MOSMO: variants seen among roughly 807,000 people sequenced by gnomAD.
MOSMO encodes the protein modulator of smoothened protein.
MOSMO carries 5 observed loss-of-function variants against 18.4 expected under a neutral mutation model. The observed-to-expected ratio is 0.27, with a 90% CI of 0.14 to 0.57. The LOEUF is 0.57. Ranked by LOEUF, MOSMO falls within the 20% of genes least tolerant of loss-of-function variation. MOSMO has a pLI of 0.92. For missense variants in MOSMO, 138 were observed against 211.8 expected (o/e 0.65, Z 2.16); for synonymous variants, 82 against 82.3 (o/e 1.00, Z 0.02).
In MOSMO at chr16:22,083,578, T is replaced by A; in HGVS notation, c.*2698T>A. ...TAATAAGTACTATATAGTACAGTATTAATTTATAGCAGGAAATCGTATCTT... is the reference window on the plus strand; with the variant it reads ...TAATAAGTACTATATAGTACAGTATAAATTTATAGCAGGAAATCGTATCTT... On this transcript the variant is annotated 3_prime_UTR_variant, in exon 3 of 3. Coordinates refer to ENST00000542527, the MANE Select transcript of MOSMO (RefSeq NM_001164579.2). 2.3e-6 allele frequency: 1 copy of A among 438,502 alleles called. No homozygotes were observed. Among genetic ancestry groups the A allele is most frequent in the Non-Finnish European group, 4.5e-6 (1 of 223,282 alleles). 27.2% of individuals were successfully genotyped at this position (438,502 alleles called of 1,614,324 possible). A position where few individuals can be genotyped will look rare whatever the true frequency, so the allele number is the denominator to read the frequency against.
chr16:22,040,516 G>A (rs1299055253), intron 1 of MOSMO, among the ~76,000 whole-genome samples: 13 of 152,290 alleles, frequency 8.5e-5, no homozygotes, highest in Non-Finnish European at 1.6e-4. Context: ...GTGATTGATG[G>A]AGTGACAGTA....
At chr16:22,031,402 C>G (rs1899991128) in intron 1 of MOSMO, among the ~76,000 whole-genome samples, 1 of 152,134 alleles carries the variant, frequency 6.6e-6, no homozygotes, top group African/African-American at 2.4e-5. Flanking sequence ...CAGTTTACCC[C>G]TTTAAAGTGT....
At chr16:22,060,827 C>T (rs941284097) in intron 1 of MOSMO, among the ~76,000 whole-genome samples, 4 of 151,420 alleles carry the variant, frequency 2.6e-5, no homozygotes, top group African/African-American at 7.3e-5. Flanking sequence ...GAGCCGAGAT[C>T]GCATCATTGC....
intron 1 of MOSMO, among the ~76,000 whole-genome samples, chr16:22,040,582 C>T (rs1362812349): frequency 1.3e-5 from 2 of 152,076 alleles, no homozygotes; most frequent in Non-Finnish European, 2.9e-5. Context: ...TTAGAAGAAA[C>T]AGTGCCTGGC....
chr16:22,051,086 A>AT (rs1252408575), intron 1 of MOSMO, among the ~76,000 whole-genome samples: 1 of 152,020 alleles, frequency 6.6e-6, no homozygotes, highest in Admixed American at 6.6e-5. Flanking sequence ...AAAAGACATG[A>AT]TTATTAAATT....
At chr16:22,067,874 G>T (rs1489493764) in intron 1 of MOSMO, among the ~76,000 whole-genome samples, 2 of 141,754 alleles carry the variant, frequency 1.4e-5, no homozygotes, top group Admixed American at 7.0e-5. Flanking sequence ...ATGAGACTCT[G>T]TCTCTAAAAA....
chr16:22,048,573 C>A (rs879669241), intron 1 of MOSMO, among the ~76,000 whole-genome samples: 1 of 152,090 alleles, frequency 6.6e-6, no homozygotes, highest in Non-Finnish European at 1.5e-5. Context: ...ATGTTACTGG[C>A]CACATATTTA....
intron 1 of MOSMO, among the ~76,000 whole-genome samples, chr16:22,045,892 T>A (rs910592617): frequency 1.3e-5 from 2 of 151,988 alleles, no homozygotes; most frequent in Non-Finnish European, 2.9e-5. Flanking sequence ...TTTTTTTTTT[T>A]ATACTTTAAG....
At chr16:22,060,316 T>C (rs71376713) in intron 1 of MOSMO, among the ~76,000 whole-genome samples, 12,867 of 152,310 alleles carry the variant, frequency 0.084, 754 homozygotes, top group South Asian at 0.25. Flanking sequence ...TCAGAATATT[T>C]GGAATATATA....
intron 1 of MOSMO, among the ~76,000 whole-genome samples, chr16:22,070,565 T>C (rs1900828523): frequency 1.3e-5 from 2 of 152,116 alleles, no homozygotes; most frequent in Admixed American, 1.3e-4. Context: ...CATACTACAG[T>C]GGAGAGTAGG....
In MOSMO at chr16:22,008,394, C is replaced by T. The variant is rs771934088; in HGVS notation, c.93C>T (p.Thr31=). ...TCGCCAACCCGGACTGGATCAACAC[C>T]GGGGAGTCTGCGGGTGAGCCGCTGG... The part of the protein sequence containing the change: ...ASIANPDWIN[T]GESAGALTVG... Residue 31 remains threonine (T), a synonymous_variant, in exon 1 of 3, where the codon ACC becomes ACT. Coordinates refer to ENST00000542527, the MANE Select transcript of MOSMO (RefSeq NM_001164579.2). The T allele has an allele frequency of 7.8e-6, 12 of 1,532,822 alleles. No individual in the cohort carries two copies. Among genetic ancestry groups the T allele is most frequent in the Non-Finnish European group, 7.0e-6 (8 of 1,145,436 alleles). The allele number at this position is 1,532,822 out of a possible 1,614,324, so 95.0% of individuals were successfully genotyped here.
intron 1 of MOSMO, among the ~76,000 whole-genome samples, chr16:22,009,785 C>A (rs1474072465): frequency 1.7e-5 from 2 of 115,664 alleles, no homozygotes; most frequent in African/African-American, 6.6e-5. Flanking sequence ...ATGGCGAAAC[C>A]CCGTCTCTAC....
chr16:22,052,473 A>G (rs1188707090), intron 1 of MOSMO, among the ~76,000 whole-genome samples: 1 of 152,200 alleles, frequency 6.6e-6, no homozygotes, highest in African/African-American at 2.4e-5. Flanking sequence ...AAATTTAAAG[A>G]TGTGTATGAA....
Position 22,062,958 on chromosome 16 carries a change from T to C in MOSMO, c.107-12529T>C, listed in dbSNP as rs1201777288. Among the ~76,000 whole-genome samples, 3 of 152,208 alleles carry C rather than the reference T, an allele frequency of 2.0e-5. No individual in the cohort carries two copies. The South Asian group carries it at 6.2e-4, about 31-fold the overall frequency. ...ACCTCTGCCTCCCAGGTTCAAGCGA[T>C]TCTTCTGCCTCAGCCTTCTGAGTAG... On this transcript the variant is annotated intron_variant, in intron 1 of 2. Coordinates refer to ENST00000542527, the MANE Select transcript of MOSMO (RefSeq NM_001164579.2).
chr16:22,070,170 A>G (rs1900820804), intron 1 of MOSMO, among the ~76,000 whole-genome samples: 1 of 152,222 alleles, frequency 6.6e-6, no homozygotes, highest in South Asian at 2.1e-4. Flanking sequence ...AGGAGAGTGC[A>G]GGAGTCTTGG....
At chr16:22,023,049 T>G (rs1311794954) in intron 1 of MOSMO, among the ~76,000 whole-genome samples, 1 of 152,206 alleles carries the variant, frequency 6.6e-6, no homozygotes, top group Non-Finnish European at 1.5e-5. Context: ...TTCATCTTCT[T>G]ATGATGAAAC....
intron 1 of MOSMO, among the ~76,000 whole-genome samples, chr16:22,033,555 C>T (rs556949717): frequency 3.3e-5 from 5 of 152,006 alleles, no homozygotes; most frequent in East Asian, 1.9e-4. Flanking sequence ...GCCCAGCTCA[C>T]GCCTGTAATC....
chr16:22,075,697 G>C lies in MOSMO; in HGVS notation c.317G>C (p.Gly106Ala), dbSNP rs1157180049. 6.5e-7 allele frequency: 1 copy of C among 1,536,384 alleles called. No individual in the cohort carries two copies. Among genetic ancestry groups the C allele is most frequent in the Non-Finnish European group, 8.7e-7 (1 of 1,146,478 alleles). The change falls in exon 2 of 3, where the codon GGA becomes GCA. Residue 106 changes from glycine to alanine, a missense_variant and splice_region_variant. By Grantham distance (60) the Gly-to-Ala change is moderately conservative (BLOSUM62 0). Transcript: ENST00000542527. The stretch of plus-strand genomic sequence containing the variant: ...TATGCTCGATGGATAGCATTCACTG[G>C]AAGTAAGTAACCTGTGCTTACTAAA... ...TKYARWIAFT[G>A]MILFCMAALI... is the part of the protein sequence containing the mutation.
At chr16:22,036,064 C>T (rs1451428496) in intron 1 of MOSMO, among the ~76,000 whole-genome samples, 1 of 152,138 alleles carries the variant, frequency 6.6e-6, no homozygotes, top group East Asian at 1.9e-4. Flanking sequence ...ATGTTACCTC[C>T]AGTACATGTC....
Sources: allele counts gnomAD v4.1 joint callset (sites outside exome capture counted in the v4.1 genomes callset), GRCh38; gene constraint gnomAD v4.1.1; transcripts MANE v1.5; gene names NCBI Gene and HGNC (gene_info 2026-07-23, HGNC 2026-07-21).